The following DYNC2H1 variants were observed in gnomAD, a reference collection of about 807,000 sequenced individuals.
DYNC2H1 encodes the protein dynein cytoplasmic 2 heavy chain 1, also known as cytoplasmic dynein 2 heavy chain 1.
In DYNC2H1, 410 loss-of-function variants were observed where a neutral mutation model predicts 570.0. That is an observed-to-expected ratio of 0.72 (90% CI 0.66 to 0.78). The LOEUF is 0.78. Among genes scored for constraint, DYNC2H1 ranks in the 30% least tolerant of loss-of-function variants. The probability of loss-of-function intolerance (pLI) is 0.00; values close to 1 mark genes in which losing one functional copy is unlikely to be tolerated. For synonymous variants in DYNC2H1, 1,688 were observed against 1,677.6 expected, an observed-to-expected ratio of 1.01 and a Z score of -0.15; for missense variants, 4,865 against 5,046.4, an observed-to-expected ratio of 0.96 and a Z score of 1.09.
Position 103,472,649 on chromosome 11 carries a change from C to T in DYNC2H1, c.12765+3944C>T, listed in dbSNP as rs1273263890. ...GACAATCATAGTGAACATTTATTTG[C>T]ACTGATTACATACCAAGCACTATGC... On this transcript the variant is annotated intron_variant, in intron 88 of 88. Transcript: ENST00000375735. The surrounding 1 kb of genome is among the most constrained non-coding windows in gnomAD (Gnocchi z 4.1). 1.3e-5 allele frequency among the ~76,000 whole-genome samples: 2 copies of T among 151,972 alleles called. No homozygotes were observed. Among genetic ancestry groups the T allele is most frequent in the Admixed American group, 6.5e-5 (1 of 15,272 alleles).
intron 84 of DYNC2H1, among the ~76,000 whole-genome samples, chr11:103,429,390 A>G (rs773079548): frequency 9.2e-5 from 14 of 152,214 alleles, no homozygotes; most frequent in South Asian, 4.1e-4. Flanking sequence ...GAATCATTCA[A>G]TTAAATCTTT....
chr11:103,283,449 G>A (rs1490610508), intron 73 of DYNC2H1, among the ~76,000 whole-genome samples: 1 of 151,950 alleles, frequency 6.6e-6, no homozygotes, highest in African/African-American at 2.4e-5. Context: ...TGTTTTTGTG[G>A]GGAATGAAAG....
chr11:103,301,857 T>G (rs892928022), intron 75 of DYNC2H1, among the ~76,000 whole-genome samples: 1 of 152,126 alleles, frequency 6.6e-6, no homozygotes, highest in African/African-American at 2.4e-5. Flanking sequence ...GGTGCAGTCT[T>G]GTCTATTCAC....
chr11:103,273,964 A>T (rs1865807987), intron 70 of DYNC2H1, among the ~76,000 whole-genome samples: 1 of 152,114 alleles, frequency 6.6e-6, no homozygotes, highest in African/African-American at 2.4e-5. Flanking sequence ...GCTCAGTAAT[A>T]ATTAGCAATT....
intron 32 of DYNC2H1, among the ~76,000 whole-genome samples, chr11:103,169,512 A>G (rs902693923): frequency 6.6e-6 from 1 of 152,120 alleles, no homozygotes; most frequent in African/African-American, 2.4e-5. Context: ...ATGTTAGGAG[A>G]GCTGCCAAAT....
At position 103,158,916 on chromosome 11, in the gene DYNC2H1, C is replaced by T. The variant is rs745870321; in HGVS notation, c.4267C>T (p.Arg1423Cys). Residue 1423 changes from arginine to cysteine, a missense_variant, in exon 28 of 89, where the codon CGC becomes TGC. Physicochemically the swap from Arg to Cys is radical, Grantham distance 180 (BLOSUM62 -3). This residue lies in a region of DYNC2H1 where 1,936 missense variants were observed against 1,962.1 expected (regional missense o/e 0.99). Transcript: ENST00000375735. Reference sequence around the variant, plus strand: ...TTGTTTCTATTTTTATTAGGAAAAACGCTCAGCATTCCCAAGATTTTATTT... The same window carrying T: ...TTGTTTCTATTTTTATTAGGAAAAATGCTCAGCATTCCCAAGATTTTATTT... ...KSLNEFLEEK[R>C]SAFPRFYFIG... The T allele has an allele frequency of 1.4e-5, 22 of 1,605,108 alleles. No homozygotes were observed. Among genetic ancestry groups the T allele is most frequent in the East Asian group, 6.7e-5 (3 of 44,680 alleles).
intron 87 of DYNC2H1, among the ~76,000 whole-genome samples, chr11:103,467,286 T>C (rs912000211): frequency 5.3e-5 from 8 of 152,202 alleles, no homozygotes; most frequent in Non-Finnish European, 1.2e-4. Flanking sequence ...CCCAGCTCTT[T>C]TACTAACAAC....
At chr11:103,476,231 C>T (rs1280794887) in intron 88 of DYNC2H1, among the ~76,000 whole-genome samples, 3 of 152,118 alleles carry the variant, frequency 2.0e-5, no homozygotes, top group Non-Finnish European at 4.4e-5. Flanking sequence ...TGAAAATTCT[C>T]TTTATCCCAA....
At chr11:103,371,731 T>G (rs1941153342) in intron 83 of DYNC2H1, among the ~76,000 whole-genome samples, 1 of 152,096 alleles carries the variant, frequency 6.6e-6, no homozygotes, top group Non-Finnish European at 1.5e-5. Flanking sequence ...AGTAGAAATT[T>G]TCTTGATTTT....
At chr11:103,458,907 A>T (rs1340742182) in intron 87 of DYNC2H1, among the ~76,000 whole-genome samples, 1 of 152,088 alleles carries the variant, frequency 6.6e-6, no homozygotes, top group Non-Finnish European at 1.5e-5. Context: ...TCTGGGCTCA[A>T]GCAATCCACC....
Position 103,176,358 on chromosome 11 carries a change from A to G in DYNC2H1, c.5798A>G (p.Glu1933Gly), listed in dbSNP as rs201829296. Reference sequence around the variant, plus strand: ...GTCTTTCCGGGAATTGAATTGAAAGAAGTGGAATATGATGAACTAAGTGCT... The same window carrying G: ...GTCTTTCCGGGAATTGAATTGAAAGGAGTGGAATATGATGAACTAAGTGCT... The part of the protein sequence containing the change: ...KDVFPGIELK[E>G]VEYDELSAAL... The change falls in exon 37 of 89, where the codon GAA becomes GGA. Residue 1933 changes from glutamate (E) to glycine (G), a missense_variant. Physicochemically the swap from Glu to Gly is moderately conservative, Grantham distance 98. Around this residue, in one of 5 missense-constraint regions of DYNC2H1, gnomAD observed 292 missense variants for 300.2 expected, o/e 0.97. Transcript: ENST00000375735. The G allele has an allele frequency of 1.3e-4, 201 of 1,593,682 alleles. 1 individual carries two copies. In the African/African-American group the frequency reaches 2.3e-3, roughly 18 times the overall value.
At chr11:103,127,222 G>T (rs1190355571) in intron 12 of DYNC2H1, among the ~76,000 whole-genome samples, 1 of 152,138 alleles carries the variant, frequency 6.6e-6, no homozygotes, top group East Asian at 1.9e-4. Flanking sequence ...CTTTAATATG[G>T]TAAGTATTTA....
chr11:103,200,111 A>G lies in DYNC2H1; in HGVS notation c.8154A>G (p.Val2718=). Residue 2718 remains valine, a synonymous_variant, in exon 50 of 89, where the codon GTA becomes GTG. Transcript: ENST00000375735. ...TACTTCTTGAGGATTACCAGTTTGT[A>G]CATCCTACATTTTTGGAGATGATCA... The part of the protein sequence containing the change: ...VVLLLEDYQF[V]HPTFLEMINS... 6.3e-7 allele frequency: 1 copy of G among 1,588,048 alleles called. No homozygotes were observed. Among genetic ancestry groups the G allele is most frequent in the Non-Finnish European group, 8.6e-7 (1 of 1,166,146 alleles).
intron 87 of DYNC2H1, among the ~76,000 whole-genome samples, chr11:103,458,922 T>G (rs1944894167): frequency 6.6e-6 from 1 of 152,052 alleles, no homozygotes; most frequent in Non-Finnish European, 1.5e-5. Flanking sequence ...TCCACCTTCC[T>G]CGGCCTCCCA....
intron 11 of DYNC2H1, among the ~76,000 whole-genome samples, chr11:103,123,253 TC>T (rs956343758): frequency 5.3e-5 from 8 of 152,190 alleles, no homozygotes; most frequent in African/African-American, 2.4e-5. Flanking sequence ...GATTAGTCTT[TC>T]CCCATGTTTT....
chr11:103,415,543 A>G (rs9735693), intron 84 of DYNC2H1, among the ~76,000 whole-genome samples: 101,630 of 152,074 alleles, frequency 0.67, 35,773 homozygotes, highest in African/African-American at 0.91. Flanking sequence ...ACAGACACAT[A>G]AAAAAACGCT....
chr11:103,263,141 C>A (rs1865378076), intron 70 of DYNC2H1, among the ~76,000 whole-genome samples: 1 of 151,460 alleles, frequency 6.6e-6, no homozygotes, highest in Non-Finnish European at 1.5e-5. Context: ...GGGATCAATG[C>A]AACGAGAAGA....
In DYNC2H1 at chr11:103,115,193, C is replaced by T. The variant is rs753800897; in HGVS notation, c.519C>T (p.Ser173=). 27 of 1,609,078 alleles carry T rather than the reference C, an allele frequency of 1.7e-5. No individual in the cohort carries two copies. The highest frequency in any genetic ancestry group is 3.3e-5 in the South Asian group (3 of 89,874). ...EDDTRGILTP[S]DEFQFWIEQA... is the part of the protein sequence containing the mutation. The stretch of plus-strand genomic sequence containing the variant: ...CTTTTATAGGTATCCTTACACCAAG[C>T]GATGAGTTCCAGTTTTGGATAGAAC... The change falls in exon 4 of 89, where the codon AGC becomes AGT. Residue 173 remains serine, a synonymous_variant. Transcript: ENST00000375735.
At chr11:103,269,405 G>T (rs904528811) in intron 70 of DYNC2H1, among the ~76,000 whole-genome samples, 1 of 152,136 alleles carries the variant, frequency 6.6e-6, no homozygotes, top group Non-Finnish European at 1.5e-5. Context: ...AGGGTTTTTA[G>T]CAGTCAGCGT....
Sources: allele counts gnomAD v4.1 joint callset (sites outside exome capture counted in the v4.1 genomes callset), GRCh38; gene constraint gnomAD v4.1.1; regional missense constraint gnomAD v4.1.1; non-coding constraint Gnocchi (gnomAD v3.1); transcripts MANE v1.5; gene names NCBI Gene and HGNC (gene_info 2026-07-23, HGNC 2026-07-21).